The following GRIK1 variants were observed in gnomAD, a reference collection of about 807,000 sequenced individuals.
GRIK1 encodes glutamate ionotropic receptor kainate type subunit 1.
GRIK1 carries 69 observed loss-of-function variants against 105.7 expected under a neutral mutation model. The ratio of observed to expected loss-of-function variants is 0.65; its 90% CI spans 0.54 to 0.80. The LOEUF is 0.80. Ranked by LOEUF, GRIK1 falls within the 30% of genes least tolerant of loss-of-function variation. The pLI is 0.00. For missense variants in GRIK1, 1,109 were observed against 1,167.3 expected, an observed-to-expected ratio of 0.95 and a Z score of 0.73; for synonymous variants, 438 against 431.3, an observed-to-expected ratio of 1.02 and a Z score of -0.19.
chr21:29,604,659 T>C (rs2061579089), intron 7 of GRIK1, among the ~76,000 whole-genome samples: 1 of 152,192 alleles, frequency 6.6e-6, no homozygotes, highest in Admixed American at 6.5e-5. Flanking sequence ...GGGACAATTA[T>C]AGTATACTTA....
intron 1 of GRIK1, among the ~76,000 whole-genome samples, chr21:29,858,239 CA>C (rs2068525058): frequency 6.6e-6 from 1 of 152,136 alleles, no homozygotes; most frequent in Admixed American, 6.5e-5. Flanking sequence ...AATAGAATAA[CA>C]ATTCCTCTGC....
rs139545185 is a variant in GRIK1, at chr21:29,797,184, T to C, written c.119-103121A>G. ...AGATACACTGACCTTTTGTACTATG[T>C]GGGGAAAGGCTGCAATCATTTTCTT... On this transcript the variant is annotated intron_variant, in intron 1 of 17. Transcript: ENST00000327783. Among the ~76,000 whole-genome samples, 23 of 152,252 alleles carry C rather than the reference T, an allele frequency of 1.5e-4. No homozygotes were observed. The East Asian group carries it at 4.4e-3, about 29-fold the overall frequency.
chr21:29,543,706 C>T (rs886575447), intron 16 of GRIK1, among the ~76,000 whole-genome samples: 4 of 152,284 alleles, frequency 2.6e-5, no homozygotes, highest in African/African-American at 7.2e-5. Context: ...AGCTGATTCT[C>T]ATCTCCTGGG....
chr21:29,865,565 C>T (rs760584288), intron 1 of GRIK1, among the ~76,000 whole-genome samples: 6 of 152,138 alleles, frequency 3.9e-5, no homozygotes, highest in Non-Finnish European at 8.8e-5. Flanking sequence ...CAGATTTCAG[C>T]AAGGGCACTA....
At chr21:29,678,706 T>C (rs1252573706) in intron 3 of GRIK1, among the ~76,000 whole-genome samples, 2 of 152,130 alleles carry the variant, frequency 1.3e-5, no homozygotes, top group Non-Finnish European at 2.9e-5. Context: ...TGTTCCATCG[T>C]TGGGTTATTT....
At chr21:29,597,161 G>C (rs2061431046) in intron 8 of GRIK1, among the ~76,000 whole-genome samples, 1 of 152,240 alleles carries the variant, frequency 6.6e-6, no homozygotes, top group African/African-American at 2.4e-5. Context: ...GCTCCTGAGA[G>C]AGATGTGTTG....
At chr21:29,553,461 T>G (rs1393353670) in intron 16 of GRIK1, 2 of 1,438,798 alleles carry the variant, frequency 1.4e-6, no homozygotes, top group Non-Finnish European at 9.1e-7. Flanking sequence ...TAGAGAATTG[T>G]GGCTATTTAT....
intron 1 of GRIK1, among the ~76,000 whole-genome samples, chr21:29,742,719 G>A (rs902264766): frequency 1.3e-5 from 2 of 152,170 alleles, no homozygotes; most frequent in Admixed American, 6.5e-5. Context: ...TTTACTCACG[G>A]TTTCTTCTAG....
intron 4 of GRIK1, among the ~76,000 whole-genome samples, chr21:29,665,208 A>G (rs1677987778): frequency 6.6e-6 from 1 of 152,176 alleles, no homozygotes; most frequent in African/African-American, 2.4e-5. Flanking sequence ...CCTGGACACT[A>G]AGAATATGGG....
At chr21:29,703,085 A>G (rs950779788) in intron 1 of GRIK1, among the ~76,000 whole-genome samples, 26 of 152,226 alleles carry the variant, frequency 1.7e-4, no homozygotes, top group Admixed American at 4.6e-4. Context: ...TTAACTCTCT[A>G]GCATGATTTT....
At chr21:29,649,765 T>C (rs1351210598) in intron 6 of GRIK1, among the ~76,000 whole-genome samples, 1 of 152,232 alleles carries the variant, frequency 6.6e-6, no homozygotes, top group Non-Finnish European at 1.5e-5. Context: ...AAGTCCACAG[T>C]CTGTGTTAAC....
chr21:29,689,387 G>A (rs1296117000), intron 3 of GRIK1, among the ~76,000 whole-genome samples: 3 of 151,980 alleles, frequency 2.0e-5, no homozygotes, highest in South Asian at 2.1e-4. Flanking sequence ...ATATTCCATG[G>A]TCATTTTCAA....
chr21:29,541,573 G>GTTTTTT (rs1202014711), intron 16 of GRIK1, among the ~76,000 whole-genome samples: 1 of 83,738 alleles, frequency 1.2e-5, no homozygotes, highest in African/African-American at 7.3e-5. Context: ...TGCACTCACG[G>GTTTTTT]TCTTTTTTTT....
chr21:29,682,352 C>T (rs1352860184), intron 3 of GRIK1, among the ~76,000 whole-genome samples: 2 of 152,066 alleles, frequency 1.3e-5, no homozygotes, highest in African/African-American at 4.8e-5. Context: ...TCTCAATATC[C>T]ACATATTTAT....
chr21:29,619,483 A>C (rs2146416918), intron 7 of GRIK1, among the ~76,000 whole-genome samples: 1 of 152,182 alleles, frequency 6.6e-6, no homozygotes, highest in South Asian at 2.1e-4. Context: ...CTCAGGGGGA[A>C]AAGAGTGGGA....
chr21:29,932,917 T>TGTAAAA (rs955353664), intron 1 of GRIK1, among the ~76,000 whole-genome samples: 1 of 151,184 alleles, frequency 6.6e-6, no homozygotes, highest in African/African-American at 2.4e-5. Flanking sequence ...GCAAGTCTAG[T>TGTAAAA]GTAAAAAAAA....
chr21:29,819,871 C>A (rs1217792673), intron 1 of GRIK1, among the ~76,000 whole-genome samples: 1 of 152,082 alleles, frequency 6.6e-6, no homozygotes, highest in African/African-American at 2.4e-5. Flanking sequence ...ACCCCCACTG[C>A]ACTTTCACCC....
chr21:29,553,263 G>A (rs1417177020), intron 16 of GRIK1: 1 of 1,021,958 alleles, frequency 9.8e-7, no homozygotes, highest in Non-Finnish European at 1.2e-6. Flanking sequence ...TGAAGGAAGA[G>A]TTACTTATTT....
chr21:29,700,509 C>T (rs1214230035), intron 1 of GRIK1, among the ~76,000 whole-genome samples: 1 of 152,142 alleles, frequency 6.6e-6, no homozygotes, highest in Non-Finnish European at 1.5e-5. Flanking sequence ...CTTAATCCCA[C>T]ATTATATGGA....
Sources: allele counts gnomAD v4.1 joint callset (sites outside exome capture counted in the v4.1 genomes callset), GRCh38; gene constraint gnomAD v4.1.1; transcripts MANE v1.5; gene names NCBI Gene and HGNC (gene_info 2026-07-23, HGNC 2026-07-21).